Variants in NPAS3 observed in about 807,000 individuals in gnomAD.
NPAS3 encodes the protein neuronal PAS domain protein 3.
NPAS3 carries 14 observed loss-of-function variants against 73.1 expected under a neutral mutation model. That is an observed-to-expected ratio of 0.19 (90% CI 0.13 to 0.30). NPAS3 has a LOEUF of 0.30. Ranked by LOEUF, NPAS3 falls within the 10% of genes least tolerant of loss-of-function variation. The pLI, the probability that NPAS3 is intolerant of heterozygous loss-of-function variation, is 1.00. For missense variants in NPAS3, 1,096 were observed against 1,250.0 expected (o/e 0.88, Z 1.86); for synonymous variants, 620 against 541.5 (o/e 1.14, Z -2.01).
In NPAS3 at chr14:33,343,401, G is replaced by A. The variant is rs2044579534; in HGVS notation, c.386-23785G>A. On this transcript the variant is annotated intron_variant, in intron 3 of 11. Transcript: ENST00000356141. The stretch of plus-strand genomic sequence containing the variant: ...TTCCAGAAATGTAGTTAATGTTTAG[G>A]TGCCACCTCTGCTACTATATCCAAT... Among the ~76,000 whole-genome samples the A allele has an allele frequency of 2.0e-5, 3 of 152,160 alleles. No homozygotes were observed. The South Asian group carries it at 6.2e-4, about 32-fold the overall frequency.
At chr14:33,177,810 T>C (rs1354656287) in intron 2 of NPAS3, among the ~76,000 whole-genome samples, 3 of 152,234 alleles carry the variant, frequency 2.0e-5, no homozygotes, top group Non-Finnish European at 4.4e-5. Flanking sequence ...CAATTGACCA[T>C]AGATGTATGG....
At chr14:33,485,784 T>C (rs1453842793) in intron 4 of NPAS3, among the ~76,000 whole-genome samples, 2 of 152,182 alleles carry the variant, frequency 1.3e-5, no homozygotes, top group Non-Finnish European at 2.9e-5. Context: ...CTCCTTGGTT[T>C]CTTCTCTCCC....
intron 2 of NPAS3, among the ~76,000 whole-genome samples, chr14:33,197,069 T>A (rs987810239): frequency 6.6e-6 from 1 of 152,224 alleles, no homozygotes; most frequent in African/African-American, 2.4e-5. Context: ...TCTAGTGACA[T>A]GAGCAAATCA....
intron 6 of NPAS3, among the ~76,000 whole-genome samples, chr14:33,703,103 AT>A (rs554810311): frequency 1.7e-3 from 254 of 152,224 alleles, no homozygotes; most frequent in African/African-American, 5.8e-3. Flanking sequence ...GGGGAAGAGG[AT>A]TGGGGCAGAA....
rs151318847 is a variant in NPAS3 at position 33,469,561 on chromosome 14, C to A, written c.469-90560C>A. Among the ~76,000 whole-genome samples, 64 of 152,280 alleles carry A rather than the reference C, an allele frequency of 4.2e-4. 2 individuals carry two copies. The highest frequency in any genetic ancestry group is 1.5e-3 in the African/African-American group (61 of 41,556). On this transcript the variant is annotated intron_variant, in intron 4 of 11. Coordinates refer to ENST00000356141, the Ensembl canonical transcript of NPAS3. ...ATACCAAGACCTCATGGCTTCCTGA[C>A]CTCAGTCCTTAAAGTGTGTTAATGG...
intron 2 of NPAS3, among the ~76,000 whole-genome samples, chr14:33,057,706 G>A (rs1219082872): frequency 1.3e-5 from 2 of 152,198 alleles, no homozygotes; most frequent in African/African-American, 4.8e-5. Context: ...GGTAGACACA[G>A]TAGGCAGCAC....
intron 6 of NPAS3, among the ~76,000 whole-genome samples, chr14:33,724,477 C>T (rs573922831): frequency 1.6e-4 from 24 of 152,034 alleles, no homozygotes; most frequent in African/African-American, 5.8e-4. Flanking sequence ...CCTCAAAAAA[C>T]ACAAAAAGTA....
chr14:33,116,187 G>A (rs959448538), intron 2 of NPAS3, among the ~76,000 whole-genome samples: 2 of 152,060 alleles, frequency 1.3e-5, no homozygotes, highest in African/African-American at 4.8e-5. Context: ...GTCACAAAGG[G>A]ATTATATCTC....
intron 4 of NPAS3, among the ~76,000 whole-genome samples, chr14:33,549,086 G>GA (rs11416345): frequency 0.34 from 50,959 of 151,928 alleles, 10,037 homozygotes; most frequent in East Asian, 0.55. Flanking sequence ...ATCTGTGTCT[G>GA]AAAAAAATGA....
At chr14:33,094,920 C>T (rs2042354036) in intron 2 of NPAS3, among the ~76,000 whole-genome samples, 1 of 152,134 alleles carries the variant, frequency 6.6e-6, no homozygotes, top group South Asian at 2.1e-4. Flanking sequence ...CTTGTTTTCA[C>T]TATGTAACAG....
At chr14:33,740,456 T>C (rs939214282) in intron 7 of NPAS3, among the ~76,000 whole-genome samples, 3 of 152,222 alleles carry the variant, frequency 2.0e-5, no homozygotes, top group Non-Finnish European at 4.4e-5. Flanking sequence ...AATGTTGATT[T>C]AATTGAATTG....
At chr14:33,728,229 G>A (rs182178845) in intron 6 of NPAS3, among the ~76,000 whole-genome samples, 7 of 152,314 alleles carry the variant, frequency 4.6e-5, no homozygotes, top group Admixed American at 6.5e-5. Flanking sequence ...ATTCTCATTC[G>A]AGACAGGCCA....
At chr14:33,680,686 G>T in intron 6 of NPAS3, 1 of 700,968 alleles carries the variant, frequency 1.4e-6, no homozygotes, top group Non-Finnish European at 2.6e-6. Flanking sequence ...ACTTCAGAGA[G>T]AACTCAGCCA....
chr14:33,549,470 G>A (rs891199494), intron 4 of NPAS3, among the ~76,000 whole-genome samples: 5 of 152,166 alleles, frequency 3.3e-5, no homozygotes, highest in Admixed American at 1.3e-4. Flanking sequence ...CTGAGCTCAA[G>A]CGATTCGCCT....
intron 4 of NPAS3, among the ~76,000 whole-genome samples, chr14:33,487,616 T>C (rs2051675430): frequency 6.6e-6 from 1 of 152,228 alleles, no homozygotes; most frequent in Non-Finnish European, 1.5e-5. Context: ...TATTGAATTA[T>C]GCTTCTTTCA....
At chr14:33,526,125 A>T (rs1326026807) in intron 4 of NPAS3, among the ~76,000 whole-genome samples, 2 of 152,158 alleles carry the variant, frequency 1.3e-5, no homozygotes, top group African/African-American at 2.4e-5. Context: ...CCGGTATTCC[A>T]GCCTTAGAAC....
chr14:33,401,219 A>G (rs2047432033), intron 4 of NPAS3, among the ~76,000 whole-genome samples: 1 of 152,134 alleles, frequency 6.6e-6, no homozygotes, highest in Non-Finnish European at 1.5e-5. Flanking sequence ...TTGTATTTCC[A>G]TCTTCAGGCA....
chr14:33,067,689 C>T (rs974815345), intron 2 of NPAS3, among the ~76,000 whole-genome samples: 5 of 152,142 alleles, frequency 3.3e-5, no homozygotes, highest in African/African-American at 7.2e-5. Flanking sequence ...TTAAGTGATT[C>T]CAAGTATTTC....
At chr14:33,526,122 T>A (rs2053791279) in intron 4 of NPAS3, among the ~76,000 whole-genome samples, 1 of 152,122 alleles carries the variant, frequency 6.6e-6, no homozygotes, top group Non-Finnish European at 1.5e-5. Flanking sequence ...CTACCGGTAT[T>A]CCAGCCTTAG....
Sources: gnomAD v4.1 joint callset for allele counts (sites outside exome capture counted in the v4.1 genomes callset) on GRCh38, gnomAD v4.1.1 for gene constraint, MANE v1.5 for transcripts, NCBI Gene and HGNC (gene_info 2026-07-23, HGNC 2026-07-21) for gene names.